SON: variants seen among roughly 807,000 people sequenced by gnomAD.
SON encodes the protein protein SON.
In SON, 4 loss-of-function variants were observed where a neutral mutation model predicts 173.3. The ratio of observed to expected loss-of-function variants is 0.02; its 90% CI spans 0.01 to 0.05. The LOEUF (loss-of-function observed/expected upper bound fraction) is 0.05. Among genes scored for constraint, SON ranks in the 10% least tolerant of loss-of-function variants. The pLI, the probability that SON is intolerant of heterozygous loss-of-function variation, is 1.00. For missense variants in SON, 2,626 were observed against 3,055.3 expected (o/e 0.86, Z 3.31); for synonymous variants, 1,190 against 1,105.9 (o/e 1.08, Z -1.51).
chr21:33,559,608 C>G lies in SON; in HGVS notation c.6490C>G (p.Pro2164Ala), dbSNP rs754062785. 5.0e-6 allele frequency: 8 copies of G among 1,610,276 alleles called. No individual in the cohort carries two copies. The highest frequency in any genetic ancestry group is 5.9e-6 in the Non-Finnish European group (7 of 1,178,994). The change falls in exon 6 of 12, where the codon CCA (proline) becomes GCA (alanine). Residue 2164 changes from proline (P) to alanine (A), a missense_variant. Physicochemically the swap from Pro to Ala is conservative, Grantham distance 27. Coordinates refer to ENST00000356577, the MANE Select transcript of SON (RefSeq NM_138927.4). The surrounding 1 kb of genome is among the most constrained non-coding windows in gnomAD (Gnocchi z 4.1). ...NLNIAAAKPTPPKSQVTLTKE... is the reference protein window; with the variant it reads ...NLNIAAAKPTAPKSQVTLTKE... ...TTAGATTGCTGCAGCAAAACCAACT[C>G]CACCAAAAAGCCAGGTAACATTAAC...
chr21:33,558,004 T>G (rs1237152000), intron 4 of SON: 3 of 171,934 alleles, frequency 1.7e-5, no homozygotes, highest in African/African-American at 7.2e-5. Flanking sequence ...TGCTAAAATA[T>G]TGCTGCTAGG....
chr21:33,556,191 TGA>T (rs2085962352), intron 3 of SON, among the ~76,000 whole-genome samples: 1 of 152,220 alleles, frequency 6.6e-6, no homozygotes, highest in East Asian at 1.9e-4. Flanking sequence ...AGAAGTTTTC[TGA>T]GTTCTTTTTT....
At chr21:33,575,723 T>C (rs1423400691) in intron 10 of SON, 55 bp from the exon 11 acceptor site, 2 of 1,573,842 alleles carry the variant, frequency 1.3e-6, no homozygotes, top group African/African-American at 2.7e-5. Flanking sequence ...AATTCATTAT[T>C]TGTTGCAGAA....
At chr21:33,557,655 G>C in intron 4 of SON, 1 of 1,529,854 alleles carries the variant, frequency 6.5e-7, no homozygotes, top group Non-Finnish European at 8.8e-7. Context: ...TTCACGACGC[G>C]TTCACTGATC....
chr21:33,560,135 A>G, intron 6 of SON: 2 of 1,609,958 alleles, frequency 1.2e-6, no homozygotes, highest in Non-Finnish European at 1.7e-6. Flanking sequence ...GTGGTAGCAA[A>G]TTTATCGGGT....
Position 33,568,988 on chromosome 21 carries a change from G to C in SON, c.6786G>C (p.Gln2262His), listed in dbSNP as rs2086228590. 6.2e-7 allele frequency: 1 copy of C among 1,609,378 alleles called. No individual in the cohort carries two copies. The highest frequency in any genetic ancestry group is 1.1e-5 in the South Asian group (1 of 90,754). The change falls in exon 8 of 12, where the codon CAG becomes CAC. Residue 2262 changes from glutamine (Q) to histidine (H), a missense_variant. By Grantham distance (24) the Gln-to-His change is conservative. Around this residue, in one of 13 missense-constraint regions of SON, gnomAD observed 75 missense variants for 201.6 expected, o/e 0.37. Transcript: ENST00000356577. The stretch of plus-strand genomic sequence containing the variant: ...TTCTTCAGATTGATGCCTGGGCTCA[G>C]CTGAACTCTATTCCTGGCCAGTTCA... ...RAQERIDAWA[Q>H]LNSIPGQFTG...
chr21:33,549,429 C>T lies in SON; in HGVS notation c.245-47C>T, dbSNP rs754441787. The T allele has an allele frequency of 2.8e-6, 4 of 1,450,266 alleles. No homozygotes were observed. The African/African-American group carries it at 5.7e-5, about 21-fold the overall frequency. The allele number at this position is 1,450,266 out of a possible 1,614,324, so 89.8% of individuals were successfully genotyped here. On this transcript the variant is annotated intron_variant, in intron 2 of 11. Coordinates refer to ENST00000356577, the MANE Select transcript of SON (RefSeq NM_138927.4). ...TATGGGTTTATATGATTTAATCTAACTCTACTTTGGGGAATGTCTGACAAA... is the reference window on the plus strand; with the variant it reads ...TATGGGTTTATATGATTTAATCTAATTCTACTTTGGGGAATGTCTGACAAA...
chr21:33,549,746 G>C lies in SON; in HGVS notation c.515G>C (p.Arg172Thr), dbSNP rs1409936905. The change falls in exon 3 of 12, where the codon AGA (arginine) becomes ACA (threonine). Residue 172 changes from arginine to threonine, a missense_variant. Arg to Thr is a moderately conservative substitution (Grantham distance 71). Coordinates refer to ENST00000356577, the MANE Select transcript of SON (RefSeq NM_138927.4). ...PSAVALELPT[R>T]AFGPSETNES... ...GCTGTGGCGCTGGAGCTTCCTACAA[G>C]AGCATTTGGCCCATCTGAGACCAAT... 1 of 1,613,976 alleles carries C rather than the reference G, an allele frequency of 6.2e-7. No individual in the cohort carries two copies. The highest frequency in any genetic ancestry group is 2.2e-5 in the East Asian group (1 of 44,888).
At chr21:33,573,572 T>C in intron 9 of SON, 117 bp downstream of exon 9, 1 of 858,642 alleles carries the variant, frequency 1.2e-6, no homozygotes, top group Non-Finnish European at 1.7e-6. Flanking sequence ...TACAGGTATT[T>C]GTCAGAAAAA....
At chr21:33,557,060 T>C in intron 3 of SON, 96 bp from the exon 4 acceptor site, 2 of 1,103,152 alleles carry the variant, frequency 1.8e-6, no homozygotes, top group African/African-American at 1.6e-5. Context: ...TCGATGGATC[T>C]AGGATGCCTT....
At position 33,553,662 on chromosome 21, in the gene SON, TATC is replaced by T. The variant is rs960049189; in HGVS notation, c.4434_4436del (p.Ile1478del). On this transcript the variant is annotated inframe_deletion, in exon 3 of 12. Transcript: ENST00000356577. ...CCACACCAATGATACTGGAATCTAG[TATC>T]ATGTCATCACATGTTATGAAAGGAA... 3 of 1,613,966 alleles carry T rather than the reference TATC, an allele frequency of 1.9e-6. No homozygotes were observed. Among genetic ancestry groups the T allele is most frequent in the East Asian group, 2.2e-5 (1 of 44,900 alleles).
intron 7 of SON, 159 bp downstream of exon 7, chr21:33,567,426 C>A (rs1049234688): frequency 1.7e-6 from 1 of 600,374 alleles, no homozygotes; most frequent in Admixed American, 2.9e-5. Context: ...GAAAGTGATT[C>A]GAGGCCTGAT....
At position 33,553,215 on chromosome 21, in the gene SON, CTTG is replaced by C. The variant is rs1043737654; in HGVS notation, c.3988_3990del (p.Leu1330del). ...ATGTTGCCTCAGAAGTATCTACATC[CTTG>C]TTGGTTCCAGCAGTAACTACTCCAG... On this transcript the variant is annotated inframe_deletion, in exon 3 of 12. Coordinates refer to ENST00000356577, the MANE Select transcript of SON (RefSeq NM_138927.4). The C allele has an allele frequency of 4.2e-5, 68 of 1,614,048 alleles. No individual in the cohort carries two copies. The highest frequency in any genetic ancestry group is 5.6e-5 in the Non-Finnish European group (66 of 1,180,046).
rs1300027364 is a variant in SON, at chr21:33,549,522, A to G, written c.291A>G (p.Thr97=). ...SRKSRCVSVQ[T]DPTDEIPTKK... is the part of the protein sequence containing the mutation. ...AAAGTAGATGCGTATCTGTACAAAC[A>G]GATCCTACTGATGAAATTCCCACTA... Residue 97 remains threonine (T), a synonymous_variant, in exon 3 of 12, where the codon ACA becomes ACG. Coordinates refer to ENST00000356577, the MANE Select transcript of SON (RefSeq NM_138927.4). 1 of 1,573,920 alleles carries G rather than the reference A, an allele frequency of 6.4e-7. No homozygotes were observed. Among genetic ancestry groups the G allele is most frequent in the Non-Finnish European group, 8.6e-7 (1 of 1,168,138 alleles).
chr21:33,558,345 C>G (rs1479836144), intron 4 of SON: 1 of 152,134 alleles, frequency 6.6e-6, no homozygotes, highest in Non-Finnish European at 1.5e-5. Flanking sequence ...TCCATCATGC[C>G]TTATTTTCCT....
In SON at chr21:33,550,605, A is replaced by G; in HGVS notation, c.1374A>G (p.Ala458=). 1 of 1,613,692 alleles carries G rather than the reference A, an allele frequency of 6.2e-7. No individual in the cohort carries two copies. Among genetic ancestry groups the G allele is most frequent in the Non-Finnish European group, 8.5e-7 (1 of 1,179,916 alleles). The stretch of plus-strand genomic sequence containing the variant: ...CGCAGGAATTGCCAGGGCTTCCAGC[A>G]CCATCCATGGGGTTGGAGCCACCAC... ...QLSQELPGLP[A]PSMGLEPPQE... Residue 458 remains alanine (A), a synonymous_variant, in exon 3 of 12, where the codon GCA becomes GCG. Coordinates refer to ENST00000356577, the MANE Select transcript of SON (RefSeq NM_138927.4).
In SON at chr21:33,559,404, A is replaced by G; in HGVS notation, c.6468+28A>G. On this transcript the variant is annotated intron_variant, in intron 5 of 11. Coordinates refer to ENST00000356577, the MANE Select transcript of SON (RefSeq NM_138927.4). This position sits in a 1 kb window ranked among gnomAD's most constrained non-coding sequence, Gnocchi z 4.1. The stretch of plus-strand genomic sequence containing the variant: ...GAGTATTAGTGCTTATGGATTGGTA[A>G]AACAGTGTAACTTGTGGAACTATTT... The G allele has an allele frequency of 3.2e-6, 5 of 1,575,514 alleles. No individual in the cohort carries two copies. Among genetic ancestry groups the G allele is most frequent in the Non-Finnish European group, 4.3e-6 (5 of 1,165,196 alleles).
rs117188819 is a variant in SON, at chr21:33,551,892, G to A, written c.2661G>A (p.Ala887=). The A allele has an allele frequency of 4.6e-4, 739 of 1,613,914 alleles. 6 individuals are homozygous for A. In the East Asian group the frequency reaches 0.012, roughly 25 times the overall value. Residue 887 remains alanine, a synonymous_variant, in exon 3 of 12, where the codon GCG becomes GCA. Coordinates refer to ENST00000356577, the MANE Select transcript of SON (RefSeq NM_138927.4). ...ASGTMDAQML[A]SGTMDAQMLA... is the part of the protein sequence containing the mutation. ...GCACCATGGATGCTCAGATGTTAGC[G>A]TCTGGTACCATGGATGCCCAGATGT...
chr21:33,553,618 A>G lies in SON; in HGVS notation c.4387A>G (p.Thr1463Ala). 3 of 1,613,744 alleles carry G rather than the reference A, an allele frequency of 1.9e-6. No individual in the cohort carries two copies. The highest frequency in any genetic ancestry group is 2.5e-6 in the Non-Finnish European group (3 of 1,179,838). ...CTCAGAGCAGACTCAAGTAATACCAACTGAGGTGGCTATAGAGTCCACACC... is the reference window on the plus strand; with the variant it reads ...CTCAGAGCAGACTCAAGTAATACCAGCTGAGGTGGCTATAGAGTCCACACC... Reference protein sequence around the residue: ...TVSEQTQVIPTEVAIESTPMI... With the variant: ...TVSEQTQVIPAEVAIESTPMI... Residue 1463 changes from threonine (T) to alanine (A), a missense_variant, in exon 3 of 12, where the codon ACT becomes GCT. Physicochemically the swap from Thr to Ala is moderately conservative, Grantham distance 58. Around this residue, in one of 13 missense-constraint regions of SON, gnomAD observed 1,006 missense variants for 895.6 expected, o/e 1.12. Transcript: ENST00000356577.
Sources: allele counts gnomAD v4.1 joint callset (sites outside exome capture counted in the v4.1 genomes callset), GRCh38; gene constraint gnomAD v4.1.1; regional missense constraint gnomAD v4.1.1; non-coding constraint Gnocchi (gnomAD v3.1); transcripts MANE v1.5; gene names NCBI Gene and HGNC (gene_info 2026-07-23, HGNC 2026-07-21).